The following USP34 variants were observed in gnomAD, a reference collection of about 807,000 sequenced individuals.
The protein encoded by USP34 is ubiquitin specific peptidase 34.
A neutral mutation model predicts 460.3 loss-of-function variants in USP34; 70 were observed. The observed-to-expected ratio is 0.15, with a 90% confidence interval of 0.13 to 0.19. The LOEUF (loss-of-function observed/expected upper bound fraction) is 0.19. Ranked by LOEUF, USP34 falls within the 10% of genes least tolerant of loss-of-function variation. The probability of loss-of-function intolerance (pLI) is 1.00; values close to 1 mark genes in which losing one functional copy is unlikely to be tolerated. For synonymous variants in USP34, 1,647 were observed against 1,405.3 expected, an observed-to-expected ratio of 1.17 and a Z score of -3.85; for missense variants, 3,985 against 4,236.2, an observed-to-expected ratio of 0.94 and a Z score of 1.65.
At chr2:61,279,042 T>C (rs1470348655) in intron 39 of USP34, among the ~76,000 whole-genome samples, 1 of 151,436 alleles carries the variant, frequency 6.6e-6, no homozygotes, top group South Asian at 2.1e-4. Flanking sequence ...GGAAAATTAC[T>C]TTACAAGCAA....
intron 62 of USP34, 34 bp from the exon 63 acceptor site, chr2:61,223,330 T>A (rs752300752): frequency 1.2e-6 from 2 of 1,600,252 alleles, no homozygotes; most frequent in East Asian, 4.5e-5. Context: ...TAAGTTTTTC[T>A]TCCTTCTGTA....
At chr2:61,192,665 T>G (rs562715779) in intron 76 of USP34, among the ~76,000 whole-genome samples, 1 of 152,372 alleles carries the variant, frequency 6.6e-6, no homozygotes, top group African/African-American at 2.4e-5. Flanking sequence ...AATTCAATTA[T>G]AACCAGCTTA....
At chr2:61,274,242 T>C (rs188532952) in intron 41 of USP34, among the ~76,000 whole-genome samples, 4 of 151,754 alleles carry the variant, frequency 2.6e-5, no homozygotes, top group Admixed American at 2.6e-4. Flanking sequence ...ATACAAAATT[T>C]AGCCAGGCAT....
chr2:61,299,521 GGT>G (rs1165776564), intron 29 of USP34, among the ~76,000 whole-genome samples: 4 of 152,128 alleles, frequency 2.6e-5, no homozygotes, highest in African/African-American at 9.7e-5. Flanking sequence ...AGGAGGCTGA[GGT>G]GGGAGGATCG....
chr2:61,308,313 TA>T (rs1690477194), intron 27 of USP34, among the ~76,000 whole-genome samples: 1 of 152,138 alleles, frequency 6.6e-6, no homozygotes, highest in South Asian at 2.1e-4. Context: ...ATTTCAACTT[TA>T]AAAATAGGCA....
Position 61,395,239 on chromosome 2 carries a change from TA to T in USP34, c.553-7del, listed in dbSNP as rs370729896. On this transcript the variant is annotated splice_polypyrimidine_tract_variant and splice_region_variant and intron_variant, in intron 3 of 79. Coordinates refer to ENST00000398571, the MANE Select transcript of USP34 (RefSeq NM_014709.4). ...CTTTCTTGAGTTGATATATCCTAAT[TA>T]AAAAAAAAAAAGCAAGTAAAATTAG... 0.089 allele frequency: 84,958 copies of T among 958,052 alleles called. No homozygotes were observed. The highest frequency in any genetic ancestry group is 0.13 in the South Asian group (6,301 of 49,592). 59.3% of individuals were successfully genotyped at this position (958,052 alleles called of 1,614,324 possible). A position where few individuals can be genotyped will look rare whatever the true frequency, so the allele number is the denominator to read the frequency against.
chr2:61,425,185 C>T (rs1694476062), intron 1 of USP34, among the ~76,000 whole-genome samples: 1 of 151,850 alleles, frequency 6.6e-6, no homozygotes, highest in Non-Finnish European at 1.5e-5. Context: ...TGCCCATGCC[C>T]CCGCCAACAA....
At chr2:61,255,691 T>G (rs1387663054) in intron 48 of USP34, among the ~76,000 whole-genome samples, 1 of 152,232 alleles carries the variant, frequency 6.6e-6, no homozygotes, top group East Asian at 1.9e-4. Flanking sequence ...AAACAATTCA[T>G]AAGTGGTGTG....
intron 1 of USP34, among the ~76,000 whole-genome samples, chr2:61,451,738 G>A (rs1695284150): frequency 6.6e-6 from 1 of 151,386 alleles, no homozygotes; most frequent in South Asian, 2.1e-4. Flanking sequence ...CAAATCAATG[G>A]AAAAGAGAGA....
At chr2:61,241,537 G>A (rs1665044824) in intron 53 of USP34, 23 bp downstream of exon 53, 3 of 1,537,566 alleles carry the variant, frequency 2.0e-6, no homozygotes, top group Non-Finnish European at 2.7e-6. Flanking sequence ...TTAAAATGTT[G>A]CTCAAATGAA....
intron 74 of USP34, 24 bp downstream of exon 74, chr2:61,204,232 G>A (rs773758285): frequency 6.2e-7 from 1 of 1,613,952 alleles, no homozygotes; most frequent in South Asian, 1.1e-5. Context: ...TAGCAACATG[G>A]ATTTTCCTGG....
At chr2:61,210,983 C>A (rs1687258529) in intron 69 of USP34, among the ~76,000 whole-genome samples, 3 of 152,138 alleles carry the variant, frequency 2.0e-5, no homozygotes, top group Admixed American at 2.0e-4. Flanking sequence ...TTTGGGAAAA[C>A]AATTGTATTC....
chr2:61,343,361 C>G (rs1398670232), intron 16 of USP34, among the ~76,000 whole-genome samples: 1 of 152,066 alleles, frequency 6.6e-6, no homozygotes, highest in Non-Finnish European at 1.5e-5. Flanking sequence ...CACACTCGCC[C>G]CTCCTTATTC....
At chr2:61,440,639 T>G (rs895796912) in intron 1 of USP34, among the ~76,000 whole-genome samples, 1 of 151,474 alleles carries the variant, frequency 6.6e-6, no homozygotes. Flanking sequence ...TGCCTCAGCC[T>G]ACCAAGTAGC....
intron 23 of USP34, among the ~76,000 whole-genome samples, chr2:61,316,871 G>A (rs555156958): frequency 6.6e-6 from 1 of 152,260 alleles, no homozygotes; most frequent in Non-Finnish European, 1.5e-5. Flanking sequence ...GGGTGACAGA[G>A]CCAGACTCCA....
chr2:61,346,831 CAAAAA>C (rs776311612), intron 15 of USP34, among the ~76,000 whole-genome samples: 1 of 29,792 alleles, frequency 3.4e-5, no homozygotes, highest in Non-Finnish European at 6.2e-5. Context: ...GATTCCAACT[CAAAAA>C]AAAAAAAAAA....
intron 5 of USP34, among the ~76,000 whole-genome samples, chr2:61,393,613 C>T (rs1196653770): frequency 6.6e-6 from 1 of 152,068 alleles, no homozygotes; most frequent in African/African-American, 2.4e-5. Context: ...GCAAAGCACA[C>T]AGCATTGGAA....
chr2:61,222,225 C>T (rs1366633288), intron 65 of USP34, among the ~76,000 whole-genome samples: 1 of 152,208 alleles, frequency 6.6e-6, no homozygotes, highest in East Asian at 1.9e-4. Flanking sequence ...GTTAAAATAG[C>T]TATAGCATTT....
intron 53 of USP34, among the ~76,000 whole-genome samples, chr2:61,237,385 T>G (rs1386093173): frequency 2.0e-5 from 3 of 152,108 alleles, no homozygotes. Flanking sequence ...AACCCCATAA[T>G]GGCCTAACTA....
Sources: allele counts gnomAD v4.1 joint callset (sites outside exome capture counted in the v4.1 genomes callset), GRCh38; gene constraint gnomAD v4.1.1; transcripts MANE v1.5; gene names NCBI Gene and HGNC (gene_info 2026-07-23, HGNC 2026-07-21).